The following IMMP2L variants were observed in gnomAD, a reference collection of about 807,000 sequenced individuals.
The protein encoded by IMMP2L is mitochondrial inner membrane protease subunit 2.
IMMP2L carries 18 observed loss-of-function variants against 19.3 expected under a neutral mutation model. That is an observed-to-expected ratio of 0.93 (90% CI 0.64 to 1.38). The LOEUF is 1.38. Ranked by LOEUF, IMMP2L falls within the 40% of genes most tolerant of loss-of-function variation. The probability of loss-of-function intolerance (pLI) is 0.00; values close to 1 mark genes in which losing one functional copy is unlikely to be tolerated. For synonymous variants in IMMP2L, 76 were observed against 73.0 expected (o/e 1.04, Z -0.21); for missense variants, 233 against 218.2 (o/e 1.07, Z -0.43).
chr7:111,481,488 C>A (rs559028300), intron 3 of IMMP2L, among the ~76,000 whole-genome samples: 32 of 152,064 alleles, frequency 2.1e-4, no homozygotes, highest in Non-Finnish European at 4.1e-4. Context: ...GATAACAATA[C>A]CTACTTTACT....
intron 3 of IMMP2L, among the ~76,000 whole-genome samples, chr7:111,316,029 G>C (rs1346714030): frequency 6.6e-6 from 1 of 152,094 alleles, no homozygotes; most frequent in Non-Finnish European, 1.5e-5. Flanking sequence ...ATGGCTCCTA[G>C]ACTACAATCC....
intron 4 of IMMP2L, among the ~76,000 whole-genome samples, chr7:110,921,623 C>T (rs1050524551): frequency 1.3e-5 from 2 of 152,154 alleles, no homozygotes; most frequent in Admixed American, 1.3e-4. Flanking sequence ...TGAGATAACA[C>T]TCCCCTGCTT....
chr7:111,466,773 C>G (rs1840712136), intron 3 of IMMP2L, among the ~76,000 whole-genome samples: 1 of 152,094 alleles, frequency 6.6e-6, no homozygotes, highest in Non-Finnish European at 1.5e-5. Context: ...CTGTACTAAA[C>G]ATGTACAGAC....
chr7:110,943,496 T>C (rs1451279405), intron 4 of IMMP2L, among the ~76,000 whole-genome samples: 1 of 151,954 alleles, frequency 6.6e-6, no homozygotes, highest in Non-Finnish European at 1.5e-5. Context: ...GCCAATGACA[T>C]GTATGTGGAA....
chr7:110,978,024 A>T (rs939562706), intron 3 of IMMP2L, among the ~76,000 whole-genome samples: 4 of 152,048 alleles, frequency 2.6e-5, no homozygotes, highest in African/African-American at 9.7e-5. Flanking sequence ...ACGAAAAACT[A>T]GGTAACAAAA....
intron 3 of IMMP2L, among the ~76,000 whole-genome samples, chr7:111,313,087 GCT>G (rs1823689828): frequency 6.6e-6 from 1 of 152,144 alleles, no homozygotes; most frequent in South Asian, 2.1e-4. Flanking sequence ...CACTGGGAAT[GCT>G]CTGTTATTGC....
intron 3 of IMMP2L, among the ~76,000 whole-genome samples, chr7:111,255,415 T>A (rs1037743491): frequency 1.6e-4 from 25 of 152,024 alleles, no homozygotes; most frequent in African/African-American, 6.0e-4. Context: ...TGATCATCCA[T>A]TTTACAAAAA....
rs561689171 is a variant in IMMP2L at position 111,275,614 on chromosome 7, T to C, written c.239+211624A>G. Reference sequence around the variant, plus strand: ...AAGGTAACACAATTAAGTTTTAACATACAATTTTATAGGGATTGCACTGAA... The same window carrying C: ...AAGGTAACACAATTAAGTTTTAACACACAATTTTATAGGGATTGCACTGAA... On this transcript the variant is annotated intron_variant, in intron 3 of 5. Transcript: ENST00000405709. 2.6e-5 allele frequency among the ~76,000 whole-genome samples: 4 copies of C among 152,314 alleles called. No individual in the cohort carries two copies. The East Asian group carries it at 5.8e-4, about 22-fold the overall frequency.
At chr7:110,677,893 G>A (rs574929636) in intron 5 of IMMP2L, among the ~76,000 whole-genome samples, 1 of 152,140 alleles carries the variant, frequency 6.6e-6, no homozygotes, top group Admixed American at 6.5e-5. Flanking sequence ...TTTCTTTGTG[G>A]GAAATGAGCT....
At chr7:111,306,331 C>G (rs1822864499) in intron 3 of IMMP2L, among the ~76,000 whole-genome samples, 1 of 151,936 alleles carries the variant, frequency 6.6e-6, no homozygotes, top group Non-Finnish European at 1.5e-5. Flanking sequence ...GTGTCAATGT[C>G]AATTCAACTG....
intron 4 of IMMP2L, among the ~76,000 whole-genome samples, chr7:110,936,242 T>C (rs1816100679): frequency 6.6e-6 from 1 of 152,076 alleles, no homozygotes; most frequent in Non-Finnish European, 1.5e-5. Context: ...CAAAAGAAAC[T>C]ATCATCAGAG....
chr7:110,963,773 A>T (rs777322578), intron 3 of IMMP2L, among the ~76,000 whole-genome samples: 1 of 152,012 alleles, frequency 6.6e-6, no homozygotes, highest in Non-Finnish European at 1.5e-5. Context: ...GGGGGGGAAA[A>T]AAGCCATGTT....
intron 3 of IMMP2L, among the ~76,000 whole-genome samples, chr7:111,366,557 T>C (rs1829782512): frequency 6.6e-6 from 1 of 151,888 alleles, no homozygotes; most frequent in Admixed American, 6.6e-5. Flanking sequence ...CTAGGTACAC[T>C]GACAAAATTC....
At chr7:111,415,303 C>T (rs1474163613) in intron 3 of IMMP2L, among the ~76,000 whole-genome samples, 1 of 151,668 alleles carries the variant, frequency 6.6e-6, no homozygotes, top group Non-Finnish European at 1.5e-5. Context: ...TGCCAACAAC[C>T]ACATGAACAT....
intron 3 of IMMP2L, among the ~76,000 whole-genome samples, chr7:111,396,571 A>T (rs1832884601): frequency 6.6e-6 from 1 of 152,044 alleles, no homozygotes; most frequent in South Asian, 2.1e-4. Context: ...AACCTAGATG[A>T]TGGGTTGACA....
Position 110,870,730 on chromosome 7 carries a change from G to A in IMMP2L, c.408+15863C>T, listed in dbSNP as rs1334410180. 2.0e-5 allele frequency among the ~76,000 whole-genome samples: 3 copies of A among 152,162 alleles called. No individual in the cohort carries two copies. The highest frequency in any genetic ancestry group is 2.0e-4 in the Admixed American group (3 of 15,260). ...CTTTCACCTGTTCAAAGAATGGAAAGATCAGAGAGGTGCAAGCACGGAAAG... is the reference window on the plus strand; with the variant it reads ...CTTTCACCTGTTCAAAGAATGGAAAAATCAGAGAGGTGCAAGCACGGAAAG... On this transcript the variant is annotated intron_variant, in intron 5 of 5. Transcript: ENST00000405709. This position sits in a 1 kb window ranked among gnomAD's most constrained non-coding sequence, Gnocchi z 4.2.
chr7:111,019,505 G>T (rs1414600173), intron 3 of IMMP2L, among the ~76,000 whole-genome samples: 1 of 152,100 alleles, frequency 6.6e-6, no homozygotes, highest in Non-Finnish European at 1.5e-5. Flanking sequence ...CAGAGGGGGA[G>T]GCAGCCAGTA....
chr7:111,477,251 C>T (rs1484483479), intron 3 of IMMP2L, among the ~76,000 whole-genome samples: 1 of 152,112 alleles, frequency 6.6e-6, no homozygotes, highest in Non-Finnish European at 1.5e-5. Context: ...CCAGGGCTGG[C>T]TTCATGGCAA....
chr7:111,277,089 G>C (rs1819154237), intron 3 of IMMP2L, among the ~76,000 whole-genome samples: 1 of 151,978 alleles, frequency 6.6e-6, no homozygotes, highest in South Asian at 2.1e-4. Context: ...AAAAGCAAAA[G>C]CGACAAAACT....
Sources: allele counts gnomAD v4.1 joint callset (sites outside exome capture counted in the v4.1 genomes callset), GRCh38; gene constraint gnomAD v4.1.1; non-coding constraint Gnocchi (gnomAD v3.1); transcripts MANE v1.5; gene names NCBI Gene and HGNC (gene_info 2026-07-23, HGNC 2026-07-21).